The following REDIC1 variants were observed in gnomAD, a reference collection of about 807,000 sequenced individuals.
The protein encoded by REDIC1 is regulator of DNA class I crossover intermediates 1, also known as HEI10 Interacting Protein 1.
chr12:39,762,495 T>C, the REDIC1 span, among the ~76,000 whole-genome samples: 1 of 150,214 alleles, frequency 6.7e-6, no homozygotes, highest in Non-Finnish European at 1.5e-5. Flanking sequence ...AAATGGCATA[T>C]TGGTGATATA....
At chr12:39,633,006 G>T in the REDIC1 span, among the ~76,000 whole-genome samples, 20 of 152,120 alleles carry the variant, frequency 1.3e-4, no homozygotes, top group South Asian at 4.2e-3. Context: ...TATGTTTAAA[G>T]ATGTTTTTCT....
At chr12:39,732,695 G>A in the REDIC1 span, among the ~76,000 whole-genome samples, 1 of 152,144 alleles carries the variant, frequency 6.6e-6, no homozygotes, top group Non-Finnish European at 1.5e-5. Context: ...GTCATCCTCT[G>A]AAGATGAGTA....
chr12:39,717,803 G>A, the REDIC1 span, among the ~76,000 whole-genome samples: 1 of 152,104 alleles, frequency 6.6e-6, no homozygotes, highest in Non-Finnish European at 1.5e-5. Context: ...ATTGTCTAAA[G>A]TCAGATTTTT....
the REDIC1 span, among the ~76,000 whole-genome samples, chr12:39,802,015 T>C: frequency 6.6e-6 from 1 of 152,144 alleles, no homozygotes. Flanking sequence ...GCAAAGAATT[T>C]CACATAGTGA....
At chr12:39,859,793 TG>T in the REDIC1 span, among the ~76,000 whole-genome samples, 4 of 152,184 alleles carry the variant, frequency 2.6e-5, no homozygotes, top group African/African-American at 7.2e-5. Flanking sequence ...CCCAAAGTGC[TG>T]GGATTACACG....
At chr12:39,685,410 G>T in the REDIC1 span, among the ~76,000 whole-genome samples, 1 of 152,102 alleles carries the variant, frequency 6.6e-6, no homozygotes. Context: ...AGGAGCAAGA[G>T]AGAGTGAGTA....
At chr12:39,895,629 C>T in the REDIC1 span, among the ~76,000 whole-genome samples, 1,050 of 6,064 alleles carry the variant, frequency 0.17, 110 homozygotes, top group Non-Finnish European at 0.45. Context: ...TACGTACACA[C>T]ATATGTATAT....
the REDIC1 span, among the ~76,000 whole-genome samples, chr12:39,686,131 A>G: frequency 6.6e-6 from 1 of 152,054 alleles, no homozygotes; most frequent in Non-Finnish European, 1.5e-5. Flanking sequence ...TGGTGTATCT[A>G]CCATTCTGGG....
chr12:39,713,162 C>T, the REDIC1 span, among the ~76,000 whole-genome samples: 1 of 148,482 alleles, frequency 6.7e-6, no homozygotes, highest in Non-Finnish European at 1.5e-5. Flanking sequence ...CATATACACA[C>T]GTGTATATAT....
At chr12:39,746,331 C>T in the REDIC1 span, among the ~76,000 whole-genome samples, 1 of 152,076 alleles carries the variant, frequency 6.6e-6, no homozygotes. Context: ...TGGAACCTCA[C>T]TCATTGCTCA....
chr12:39,735,168 C>G, the REDIC1 span, among the ~76,000 whole-genome samples: 1 of 152,064 alleles, frequency 6.6e-6, no homozygotes, highest in African/African-American at 2.4e-5. Flanking sequence ...AAACATGTGG[C>G]TTTAGGACTA....
the REDIC1 span, among the ~76,000 whole-genome samples, chr12:39,826,036 A>G: frequency 6.6e-6 from 1 of 152,056 alleles, no homozygotes; most frequent in East Asian, 1.9e-4. Context: ...TTTTTATTAG[A>G]AAACATGTTC....
At chr12:39,760,330 C>CT in the REDIC1 span, 1,373 of 1,325,896 alleles carry the variant, frequency 1.0e-3, no homozygotes, top group Non-Finnish European at 1.2e-3. Flanking sequence ...TTGATTTTGA[C>CT]TTTTTTTTTC....
the REDIC1 span, among the ~76,000 whole-genome samples, chr12:39,881,772 T>C: frequency 6.6e-6 from 1 of 152,200 alleles, no homozygotes; most frequent in African/African-American, 2.4e-5. Flanking sequence ...TGGGAGAGGA[T>C]GAAAAGAGGG....
chr12:39,873,476 T>A, the REDIC1 span, among the ~76,000 whole-genome samples: 1,920 of 152,192 alleles, frequency 0.013, 22 homozygotes, highest in Non-Finnish European at 0.02. Flanking sequence ...TTAACATAAA[T>A]ACCAAATCTA....
the REDIC1 span, among the ~76,000 whole-genome samples, chr12:39,746,375 G>A: frequency 2.4e-4 from 37 of 152,168 alleles, no homozygotes; most frequent in Non-Finnish European, 4.9e-4. Context: ...AGTGAGGCTG[G>A]GGGAGGGGTG....
chr12:39,752,875 C>T, the REDIC1 span, among the ~76,000 whole-genome samples: 1 of 152,144 alleles, frequency 6.6e-6, no homozygotes, highest in Non-Finnish European at 1.5e-5. Flanking sequence ...TCATGACTCC[C>T]AACTTCTATG....
chr12:39,729,724 C>T, the REDIC1 span, among the ~76,000 whole-genome samples: 2 of 152,170 alleles, frequency 1.3e-5, no homozygotes, highest in African/African-American at 4.8e-5. Flanking sequence ...TGTTAATTTT[C>T]TGTCTTGTTG....
At chr12:39,658,547 A>G in the REDIC1 span, among the ~76,000 whole-genome samples, 2 of 152,154 alleles carry the variant, frequency 1.3e-5, no homozygotes, top group Non-Finnish European at 2.9e-5. Context: ...GATCCTTCCA[A>G]ATTTATTCAG....
Sources: gnomAD v4.1 joint callset for allele counts (sites outside exome capture counted in the v4.1 genomes callset) on GRCh38, gnomAD v4.1.1 for gene constraint, MANE v1.5 for transcripts, NCBI Gene and HGNC (gene_info 2026-07-23, HGNC 2026-07-21) for gene names.